Variants in CRYAB observed in about 807,000 individuals in gnomAD.
CRYAB encodes the protein crystallin alpha B.
In CRYAB, 9 loss-of-function variants were observed where a neutral mutation model predicts 12.7. The ratio of observed to expected loss-of-function variants is 0.71; its 90% CI spans 0.43 to 1.24. The LOEUF (loss-of-function observed/expected upper bound fraction) is 1.24. Among genes scored for constraint, CRYAB ranks in the 50% most tolerant of loss-of-function variants. CRYAB has a pLI of 0.00. For missense variants in CRYAB, 183 were observed against 226.6 expected (o/e 0.81, Z 1.24); for synonymous variants, 93 against 86.8 (o/e 1.07, Z -0.40).
chr11:111,912,743 A>G, upstream of CRYAB: 2 of 826,544 alleles, frequency 2.4e-6, no homozygotes, highest in South Asian at 3.1e-5. Context: ...CCTCCTATCG[A>G]GCCCTGGCTC....
At chr11:111,919,666 T>G (rs1025054832) in intron 1 of CRYAB, among the ~76,000 whole-genome samples, 2 of 152,208 alleles carry the variant, frequency 1.3e-5, no homozygotes, top group Non-Finnish European at 1.5e-5. Context: ...TACAGTCTCA[T>G]TTAATTTTTC....
chr11:111,917,452 C>T (rs73560034), upstream of CRYAB, among the ~76,000 whole-genome samples: 5,631 of 151,920 alleles, frequency 0.037, 349 homozygotes, highest in African/African-American at 0.13. Context: ...GGGAACCAGG[C>T]GTGGTGGGAG....
intron 1 of CRYAB, among the ~76,000 whole-genome samples, chr11:111,919,459 G>A (rs910387543): frequency 3.3e-5 from 5 of 151,784 alleles, no homozygotes; most frequent in African/African-American, 9.7e-5. Context: ...GCAACAGAGC[G>A]AGACTGTCTC....
intron 1 of CRYAB, among the ~76,000 whole-genome samples, chr11:111,922,723 C>A (rs1965720517): frequency 1.3e-5 from 2 of 152,100 alleles, no homozygotes; most frequent in African/African-American, 4.8e-5. Flanking sequence ...CAGAGTATTT[C>A]CTATTTTTTG....
upstream of CRYAB, chr11:111,911,993 C>T: frequency 2.2e-6 from 1 of 459,900 alleles, no homozygotes; most frequent in South Asian, 2.4e-5. Flanking sequence ...CACTAGCTTT[C>T]TGTCCACACC....
chr11:111,912,675 A>ACCCC, upstream of CRYAB: 3 of 379,174 alleles, frequency 7.9e-6, no homozygotes, highest in Admixed American at 3.3e-5. Flanking sequence ...CCCCACTCCC[A>ACCCC]GCCCCTCCCC....
chr11:111,913,754 C>T (rs1555165906), upstream of CRYAB: 1 of 1,614,204 alleles, frequency 6.2e-7, no homozygotes, highest in South Asian at 1.1e-5. Context: ...GAGCTGCTCT[C>T]TCCCATGATG....
At chr11:111,909,803 G>A (rs1555165344) in intron 2 of CRYAB, 1 of 253,502 alleles carries the variant, frequency 3.9e-6, no homozygotes, top group African/African-American at 2.2e-5. Context: ...AGTGCTTTTA[G>A]GGTACCTGTA....
At chr11:111,911,878 TG>T (rs536269903), upstream of CRYAB, 1,903 of 631,920 alleles carry the variant, frequency 3.0e-3, 13 homozygotes, top group Middle Eastern at 0.026. Context: ...TGGAGACTTG[TG>T]ATCCGGGATT....
upstream of CRYAB, chr11:111,913,822 A>T: frequency 1.2e-6 from 2 of 1,614,158 alleles, no homozygotes; most frequent in Middle Eastern, 1.6e-4. Context: ...GAGGTCAATG[A>T]GGTCTACATC....
intron 1 of CRYAB, among the ~76,000 whole-genome samples, chr11:111,919,484 C>CAA (rs146540775): frequency 6.6e-5 from 10 of 150,666 alleles, no homozygotes; most frequent in South Asian, 2.1e-4. Context: ...ACAACAACAA[C>CAA]AAAAAAAAAC....
intron 1 of CRYAB, among the ~76,000 whole-genome samples, chr11:111,921,936 G>A (rs782530853): frequency 6.6e-6 from 1 of 152,072 alleles, no homozygotes; most frequent in Admixed American, 6.6e-5. Flanking sequence ...AGGTGTAAGC[G>A]ATTCTCATGC....
At chr11:111,912,674 CAG>C, upstream of CRYAB, 3 of 568,996 alleles carry the variant, frequency 5.3e-6, no homozygotes, top group African/African-American at 2.0e-5. Flanking sequence ...CCCCCACTCC[CAG>C]CCCCTCCCCC....
upstream of CRYAB, among the ~76,000 whole-genome samples, chr11:111,917,342 T>C (rs1245192054): frequency 6.6e-6 from 1 of 152,086 alleles, no homozygotes; most frequent in East Asian, 1.9e-4. Flanking sequence ...ATGAAAAGGA[T>C]ACAGTTAATG....
upstream of CRYAB, chr11:111,912,962 C>G (rs1555165803): frequency 6.8e-7 from 1 of 1,479,542 alleles, no homozygotes; most frequent in Admixed American, 2.0e-5. Flanking sequence ...CCCACCCCCA[C>G]CCCCTGAAAT....
upstream of CRYAB, chr11:111,912,832 G>T (rs1555165740): frequency 1.9e-6 from 3 of 1,600,782 alleles, no homozygotes. Context: ...CTGCAGCCAT[G>T]TCGGGCCGCT....
At position 111,908,748 on chromosome 11, in the gene CRYAB, A is replaced by G. The variant is rs370347325; in HGVS notation, c.*16T>C. Reference sequence around the variant, plus strand: ...AAACTTTCTTGTTTTAAAAAATGCAATTCAAGAAAGGGCATCTATTTCTTG... The same window carrying G: ...AAACTTTCTTGTTTTAAAAAATGCAGTTCAAGAAAGGGCATCTATTTCTTG... On this transcript the variant is annotated 3_prime_UTR_variant, in exon 3 of 3. Coordinates refer to ENST00000650687, the MANE Select transcript of CRYAB (RefSeq NM_001289808.2). 8.7e-5 allele frequency: 141 copies of G among 1,611,636 alleles called. 1 individual carries two copies. Among genetic ancestry groups the G allele is most frequent in the South Asian group, 8.0e-4 (73 of 90,976 alleles).
chr11:111,918,707 GT>G, intron 1 of CRYAB: 1 of 684,496 alleles, frequency 1.5e-6, no homozygotes, highest in East Asian at 2.7e-5. Context: ...TGAAGCTCAA[GT>G]TCATGGCTTC....
chr11:111,918,663 C>A lies in CRYAB; in HGVS notation c.-199+5040G>T, dbSNP rs587723309. 4.1e-5 allele frequency: 28 copies of A among 680,628 alleles called. No individual in the cohort carries two copies. The East Asian group carries it at 7.4e-4, about 18-fold the overall frequency. The allele number at this position is 680,628 out of a possible 1,614,324, so 42.2% of individuals were successfully genotyped here. ...AGCATTTCGTAAGGAAACCAAGAGC[C>A]CTTTTCTATCTCAGGTTTCTTTTTA... On this transcript the variant is annotated intron_variant, in intron 1 of 3. Transcript: ENST00000527950.
Sources: gnomAD v4.1 joint callset for allele counts (sites outside exome capture counted in the v4.1 genomes callset) on GRCh38, gnomAD v4.1.1 for gene constraint, MANE v1.5 for transcripts, NCBI Gene and HGNC (gene_info 2026-07-23, HGNC 2026-07-21) for gene names.